ARID3B: variants seen among roughly 807,000 people sequenced by gnomAD.
ARID3B encodes AT-rich interaction domain 3B.
In ARID3B, 10 loss-of-function variants were observed where a neutral mutation model predicts 51.9. That is an observed-to-expected ratio of 0.19 (90% CI 0.12 to 0.33). The LOEUF (loss-of-function observed/expected upper bound fraction) is 0.33, where lower values mean the gene tolerates loss of function less well. ARID3B is among the 10% of genes least tolerant of loss of function. The pLI, the probability that ARID3B is intolerant of heterozygous loss-of-function variation, is 1.00. For missense variants in ARID3B, 483 were observed against 716.3 expected (o/e 0.67, Z 3.72); for synonymous variants, 205 against 279.5 (o/e 0.73, Z 2.66).
intron 2 of ARID3B, among the ~76,000 whole-genome samples, chr15:74,547,769 G>A (rs1045497060): frequency 1.3e-5 from 2 of 152,190 alleles, no homozygotes; most frequent in Non-Finnish European, 2.9e-5. Context: ...ACATGCCAAA[G>A]TTTAAAAAGT....
chr15:74,553,319 C>A lies in ARID3B; in HGVS notation c.552+8831C>A, dbSNP rs185741699. Among the ~76,000 whole-genome samples, 646 of 152,270 alleles carry A rather than the reference C, an allele frequency of 4.2e-3. 2 individuals are homozygous for A. The highest frequency in any genetic ancestry group is 4.1e-3 in the Non-Finnish European group (282 of 68,020). ...TTTCTTCTTCAGTTTTACATGTACT[C>A]ATTTGTGTGTGTTCTGTTTTTAAGC... On this transcript the variant is annotated intron_variant, in intron 2 of 8. Coordinates refer to ENST00000346246, the MANE Select transcript of ARID3B (RefSeq NM_006465.4).
At chr15:74,594,209 G>A (rs757046885) in intron 8 of ARID3B, among the ~76,000 whole-genome samples, 4 of 152,178 alleles carry the variant, frequency 2.6e-5, no homozygotes, top group Non-Finnish European at 5.9e-5. Context: ...AGCATTTTGG[G>A]AGGCCAAGGC....
chr15:74,572,149 A>T (rs1263044747), intron 2 of ARID3B, among the ~76,000 whole-genome samples: 1 of 152,160 alleles, frequency 6.6e-6, no homozygotes, highest in Non-Finnish European at 1.5e-5. Context: ...CTGATTAAAG[A>T]TAGGAAGCAA....
rs967530391 is a variant in ARID3B, at chr15:74,594,732, G to A, written c.1520-879G>A. On this transcript the variant is annotated intron_variant, in intron 8 of 8. Transcript: ENST00000346246. ...GCTGGGCCACTCACTTCAGAGAGAG[G>A]ACAGAGTGTAGAGGAGCAGTGGTGC... Among the ~76,000 whole-genome samples, 4 of 152,244 alleles carry A rather than the reference G, an allele frequency of 2.6e-5. No individual in the cohort carries two copies. The South Asian group carries it at 6.2e-4, about 24-fold the overall frequency.
Position 74,596,684 on chromosome 15 carries a change from T to C in ARID3B, c.*910T>C, listed in dbSNP as rs1447199556. ...ATCTTGGCCTCACCATCCCCACACG[T>C]GCCGATGTCAGGTTCATTGAAATAC... On this transcript the variant is annotated 3_prime_UTR_variant, in exon 9 of 9. Coordinates refer to ENST00000346246, the MANE Select transcript of ARID3B (RefSeq NM_006465.4). 4.3e-6 allele frequency: 1 copy of C among 233,606 alleles called. No individual in the cohort carries two copies. Among genetic ancestry groups the C allele is most frequent in the South Asian group, 1.8e-4 (1 of 5,540 alleles). The allele number at this position is 233,606 out of a possible 1,614,324, so 14.5% of individuals were successfully genotyped here. A position where few individuals can be genotyped will look rare whatever the true frequency, so the allele number is the denominator to read the frequency against.
chr15:74,593,016 G>T (rs2061809499), intron 7 of ARID3B, 122 bp from the exon 8 acceptor site: 1 of 751,084 alleles, frequency 1.3e-6, no homozygotes, highest in East Asian at 2.7e-5. Flanking sequence ...TCAGGAGAAG[G>T]TTACATAGAT....
chr15:74,545,412 C>CA (rs1176831374), intron 2 of ARID3B, among the ~76,000 whole-genome samples: 1 of 152,134 alleles, frequency 6.6e-6, no homozygotes, highest in Non-Finnish European at 1.5e-5. Flanking sequence ...GTATCAGAGT[C>CA]AGTTAGGGAG....
intron 4 of ARID3B, among the ~76,000 whole-genome samples, chr15:74,588,857 G>T (rs1463709421): frequency 6.6e-6 from 1 of 151,816 alleles, no homozygotes; most frequent in Non-Finnish European, 1.5e-5. Flanking sequence ...GCCAGGGAGT[G>T]GGTGGAGTGA....
intron 2 of ARID3B, among the ~76,000 whole-genome samples, chr15:74,563,580 G>C (rs2061687071): frequency 6.6e-6 from 1 of 152,206 alleles, no homozygotes; most frequent in Non-Finnish European, 1.5e-5. Flanking sequence ...CCATTGAAGT[G>C]TTCTTGTGCT....
chr15:74,560,281 T>C (rs2061675287), intron 2 of ARID3B, among the ~76,000 whole-genome samples: 1 of 151,994 alleles, frequency 6.6e-6, no homozygotes, highest in Non-Finnish European at 1.5e-5. Context: ...AAAGTATTAC[T>C]TTAAAATATT....
intron 4 of ARID3B, among the ~76,000 whole-genome samples, chr15:74,584,992 A>G (rs1391081373): frequency 6.6e-6 from 1 of 152,170 alleles, no homozygotes; most frequent in African/African-American, 2.4e-5. Context: ...TGAGGAGGGA[A>G]CTGGAGACCA....
At chr15:74,563,293 T>G (rs1244497372) in intron 2 of ARID3B, among the ~76,000 whole-genome samples, 1 of 152,102 alleles carries the variant, frequency 6.6e-6, no homozygotes, top group Non-Finnish European at 1.5e-5. Context: ...GGAGGAAGCC[T>G]TAGGAGAAGC....
At chr15:74,550,648 A>G (rs1336162654) in intron 2 of ARID3B, among the ~76,000 whole-genome samples, 1 of 151,842 alleles carries the variant, frequency 6.6e-6, no homozygotes, top group Non-Finnish European at 1.5e-5. Context: ...CAGAACTTGC[A>G]GTAAGCTGAG....
chr15:74,581,672 A>G (rs2061762350), intron 4 of ARID3B, among the ~76,000 whole-genome samples: 2 of 152,180 alleles, frequency 1.3e-5, no homozygotes, highest in Admixed American at 6.5e-5. Flanking sequence ...ATAATACTCT[A>G]TAAATACCCA....
chr15:74,544,509 A>C, intron 2 of ARID3B, 21 bp downstream of exon 2: 1 of 1,602,646 alleles, frequency 6.2e-7, no homozygotes, highest in Non-Finnish European at 8.5e-7. Flanking sequence ...CTGGTATTGT[A>C]GGTCATTTGG....
At position 74,591,575 on chromosome 15, in the gene ARID3B, T is replaced by G; in HGVS notation, c.1181T>G (p.Val394Gly). 6.2e-7 allele frequency: 1 copy of G among 1,611,044 alleles called. No homozygotes were observed. The highest frequency in any genetic ancestry group is 8.5e-7 in the Non-Finnish European group (1 of 1,177,956). ...TTLRKGDGAP[V>G]TTVPVPNRLA... Reference sequence around the variant, plus strand: ...TCCTTTGCAGGTGATGGAGCCCCAGTGACAACAGTGCCTGTGCCAAATCGT... The same window carrying G: ...TCCTTTGCAGGTGATGGAGCCCCAGGGACAACAGTGCCTGTGCCAAATCGT... Residue 394 changes from valine (V) to glycine (G), a missense_variant, in exon 7 of 9, where the codon GTG (valine) becomes GGG (glycine). Around this residue, in one of 3 missense-constraint regions of ARID3B, gnomAD observed 265 missense variants for 354.4 expected, o/e 0.75. Coordinates refer to ENST00000346246, the MANE Select transcript of ARID3B (RefSeq NM_006465.4). The surrounding 1 kb of genome is among the most constrained non-coding windows in gnomAD (Gnocchi z 5.8).
At chr15:74,575,849 C>T (rs898207731) in intron 4 of ARID3B, among the ~76,000 whole-genome samples, 7 of 152,194 alleles carry the variant, frequency 4.6e-5, no homozygotes, top group Non-Finnish European at 1.0e-4. Context: ...GCACTGTTGA[C>T]TTTGGGATGG....
At position 74,597,677 on chromosome 15, in the gene ARID3B, C is replaced by G; in HGVS notation, c.*1903C>G. The G allele has an allele frequency of 3.8e-6, 2 of 521,210 alleles. No homozygotes were observed. Among genetic ancestry groups the G allele is most frequent in the Non-Finnish European group, 7.4e-6 (2 of 269,266 alleles). The allele number at this position is 521,210 out of a possible 1,614,324, so 32.3% of individuals were successfully genotyped here. On this transcript the variant is annotated 3_prime_UTR_variant, in exon 9 of 9. Coordinates refer to ENST00000346246, the MANE Select transcript of ARID3B (RefSeq NM_006465.4). ...TGTCTCAGACATTTGGCCAGTATGT[C>G]TTTCTCAGGGGTTTGGTCACAAAGG...
In ARID3B at chr15:74,596,102, G is replaced by A. The variant is rs896464409; in HGVS notation, c.*328G>A. 4.1e-5 allele frequency: 13 copies of A among 315,198 alleles called. No homozygotes were observed. Among genetic ancestry groups the A allele is most frequent in the African/African-American group, 1.9e-4 (9 of 47,268 alleles). The allele number at this position is 315,198 out of a possible 1,614,324, so 19.5% of individuals were successfully genotyped here. Reference sequence around the variant, plus strand: ...ACAGTGTATCGACAATCTGTCAGCCGACGCAGGGCTGGAGGCCCTCCATTT... The same window carrying A: ...ACAGTGTATCGACAATCTGTCAGCCAACGCAGGGCTGGAGGCCCTCCATTT... On this transcript the variant is annotated 3_prime_UTR_variant, in exon 9 of 9. Coordinates refer to ENST00000346246, the MANE Select transcript of ARID3B (RefSeq NM_006465.4).
Sources: allele counts gnomAD v4.1 joint callset (sites outside exome capture counted in the v4.1 genomes callset), GRCh38; gene constraint gnomAD v4.1.1; regional missense constraint gnomAD v4.1.1; non-coding constraint Gnocchi (gnomAD v3.1); transcripts MANE v1.5; gene names NCBI Gene and HGNC (gene_info 2026-07-23, HGNC 2026-07-21).